The following BCAT1 variants were observed in gnomAD, a reference collection of about 807,000 sequenced individuals.
The protein encoded by BCAT1 is branched chain amino acid transaminase 1, also known as branched-chain-amino-acid aminotransferase, cytosolic.
Under a neutral mutation model 52.4 loss-of-function variants are expected in BCAT1, and 48 were observed. The observed-to-expected ratio is 0.92, with a 90% CI of 0.73 to 1.16. The LOEUF is 1.16. Among genes scored for constraint, BCAT1 ranks in the 50% most tolerant of loss-of-function variants. The probability of loss-of-function intolerance (pLI) is 0.00; values close to 1 mark genes in which losing one functional copy is unlikely to be tolerated. For missense variants in BCAT1, 451 were observed against 457.1 expected (o/e 0.99, Z 0.12); for synonymous variants, 167 against 161.3 (o/e 1.04, Z -0.27).
In BCAT1 at chr12:24,918,889, T is replaced by C. The variant is rs1468839237; in HGVS notation, c.7-17004A>G. 4.6e-5 allele frequency among the ~76,000 whole-genome samples: 7 copies of C among 152,226 alleles called. No homozygotes were observed. In the East Asian group the frequency reaches 1.3e-3, roughly 29 times the overall value. On this transcript the variant is annotated intron_variant, in intron 1 of 10. Transcript: ENST00000261192. ...AACATTGCATGTAATAGACTAGTTA[T>C]GACACTTGATTATTACCCTGCTTGT... is the stretch of plus-strand genomic sequence containing the variant.
At chr12:24,931,255 A>C (rs1361048753) in intron 1 of BCAT1, among the ~76,000 whole-genome samples, 1 of 152,022 alleles carries the variant, frequency 6.6e-6, no homozygotes, top group East Asian at 1.9e-4. Context: ...TGAAGAGTAA[A>C]ATTTTAAAAT....
At chr12:24,835,555 AT>A (rs141095320) in intron 8 of BCAT1, among the ~76,000 whole-genome samples, 1 of 65,552 alleles carries the variant, frequency 1.5e-5, no homozygotes, top group Non-Finnish European at 3.4e-5. Flanking sequence ...ATTTTATTTT[AT>A]TTATTTATTT....
chr12:24,912,236 T>C (rs1427968420), intron 1 of BCAT1, among the ~76,000 whole-genome samples: 1 of 152,060 alleles, frequency 6.6e-6, no homozygotes, highest in Non-Finnish European at 1.5e-5. Flanking sequence ...AGAAGAGGGC[T>C]GGGCGCAGTG....
At chr12:24,911,758 C>A (rs538251067) in intron 1 of BCAT1, among the ~76,000 whole-genome samples, 1 of 152,066 alleles carries the variant, frequency 6.6e-6, no homozygotes, top group African/African-American at 2.4e-5. Flanking sequence ...AGGGAGGAAA[C>A]CCTAAGCGTG....
intron 1 of BCAT1, among the ~76,000 whole-genome samples, chr12:24,921,263 A>G (rs1252147066): frequency 6.6e-6 from 1 of 152,214 alleles, no homozygotes; most frequent in African/African-American, 2.4e-5. Context: ...GATTCCAAGG[A>G]TTTTTAGTAC....
chr12:24,822,890 G>A (rs560253329), intron 10 of BCAT1, among the ~76,000 whole-genome samples: 4 of 152,162 alleles, frequency 2.6e-5, no homozygotes, highest in African/African-American at 9.6e-5. Flanking sequence ...TTTCTTATTG[G>A]CCATAAGCAC....
intron 1 of BCAT1, among the ~76,000 whole-genome samples, chr12:24,922,677 C>T (rs1354813901): frequency 6.6e-6 from 1 of 151,976 alleles, no homozygotes; most frequent in Non-Finnish European, 1.5e-5. Context: ...TCAAGACCAT[C>T]CTGGCCAACA....
At chr12:24,934,268 G>A (rs1943721639) in intron 1 of BCAT1, among the ~76,000 whole-genome samples, 2 of 152,220 alleles carry the variant, frequency 1.3e-5, no homozygotes, top group African/African-American at 4.8e-5. Context: ...CACCATGTAA[G>A]ATGTGCCTTG....
Position 24,810,518 on chromosome 12 carries a change from A to G in BCAT1, c.*7490T>C, listed in dbSNP as rs1392076746. 6.6e-6 allele frequency: 1 copy of G among 152,190 alleles called. No homozygotes were observed. Among genetic ancestry groups the G allele is most frequent in the Non-Finnish European group, 1.5e-5 (1 of 68,026 alleles). 9.4% of individuals were successfully genotyped at this position (152,190 alleles called of 1,614,324 possible). A position where few individuals can be genotyped will look rare whatever the true frequency, so the allele number is the denominator to read the frequency against. ...TGATAAATTATATAAGCTCCAGTAAATGTATGTCATCACCCTCAGGAATGA... is the reference window on the plus strand; with the variant it reads ...TGATAAATTATATAAGCTCCAGTAAGTGTATGTCATCACCCTCAGGAATGA... On this transcript the variant is annotated 3_prime_UTR_variant, in exon 11 of 11. Coordinates refer to ENST00000261192, the MANE Select transcript of BCAT1 (RefSeq NM_005504.7).
In BCAT1 at chr12:24,935,107, G is replaced by A. The variant is rs533493609; in HGVS notation, c.6+13820C>T. Among the ~76,000 whole-genome samples, 5 of 152,306 alleles carry A rather than the reference G, an allele frequency of 3.3e-5. No individual in the cohort carries two copies. In the East Asian group the frequency reaches 9.6e-4, roughly 29 times the overall value. On this transcript the variant is annotated intron_variant, in intron 1 of 10. Coordinates refer to ENST00000261192, the MANE Select transcript of BCAT1 (RefSeq NM_005504.7). The stretch of plus-strand genomic sequence containing the variant: ...CTGTGCCCAAGGTGAAATGGATGTG[G>A]TAGTGATTCTTCCACAGACCAAGTG...
intron 3 of BCAT1, among the ~76,000 whole-genome samples, chr12:24,888,871 C>T (rs1942759514): frequency 6.6e-6 from 1 of 152,174 alleles, no homozygotes; most frequent in Admixed American, 6.6e-5. Context: ...TCCACAGCTG[C>T]GTCAATCATG....
At chr12:24,836,446 C>T in intron 8 of BCAT1, 65 bp downstream of exon 8, 1 of 1,358,544 alleles carries the variant, frequency 7.4e-7, no homozygotes, top group Non-Finnish European at 1.0e-6. Context: ...CAACACTAGG[C>T]TGGGCTTATT....
At chr12:24,881,542 T>C (rs929103130) in intron 3 of BCAT1, 131 bp from the exon 4 acceptor site, 1 of 608,318 alleles carries the variant, frequency 1.6e-6, no homozygotes, top group South Asian at 2.1e-5. Flanking sequence ...CAACTTGAGA[T>C]CATTAAATCC....
At chr12:24,850,816 T>C (rs1941485202) in intron 5 of BCAT1, among the ~76,000 whole-genome samples, 1 of 152,214 alleles carries the variant, frequency 6.6e-6, no homozygotes. Context: ...CAGGGACTAC[T>C]CTGGATGGGA....
intron 1 of BCAT1, among the ~76,000 whole-genome samples, chr12:24,948,190 C>T (rs1417828834): frequency 3.3e-5 from 5 of 152,220 alleles, no homozygotes; most frequent in Non-Finnish European, 5.9e-5. Flanking sequence ...AAAAGTTGCT[C>T]TTCGGGTTTT....
At chr12:24,845,008 T>C (rs2139445506) in intron 6 of BCAT1, among the ~76,000 whole-genome samples, 1 of 149,482 alleles carries the variant, frequency 6.7e-6, no homozygotes, top group South Asian at 2.1e-4. Flanking sequence ...AGGTCAGGAG[T>C]TCCAGACCAG....
Position 24,842,124 on chromosome 12 carries a change from C to T in BCAT1, c.775G>A (p.Gly259Arg), listed in dbSNP as rs1941194195. Reference protein sequence around the residue: ...YGEDHQITEVGTMNLFLYWIN... With the variant: ...YGEDHQITEVRTMNLFLYWIN... ...CAGTAAAGAAAAAGATTCATAGTTCCCACTTCAGTGATCTGATGGTCCTCT... is the reference window on the plus strand; with the variant it reads ...CAGTAAAGAAAAAGATTCATAGTTCTCACTTCAGTGATCTGATGGTCCTCT... The change falls in exon 7 of 11, where the codon GGA (glycine) becomes AGA (arginine). Residue 259 changes from glycine (G) to arginine (R), a missense_variant. Coordinates refer to ENST00000261192, the MANE Select transcript of BCAT1 (RefSeq NM_005504.7). 6.2e-7 allele frequency: 1 copy of T among 1,613,696 alleles called. No individual in the cohort carries two copies. Among genetic ancestry groups the T allele is most frequent in the African/African-American group, 1.3e-5 (1 of 74,898 alleles).
chr12:24,859,695 A>C (rs1941797579), intron 5 of BCAT1, among the ~76,000 whole-genome samples: 1 of 151,840 alleles, frequency 6.6e-6, no homozygotes, highest in Non-Finnish European at 1.5e-5. Flanking sequence ...AAATGACTTT[A>C]CAGTGACCTG....
chr12:24,921,919 T>C (rs546524187), intron 1 of BCAT1, among the ~76,000 whole-genome samples: 2 of 152,144 alleles, frequency 1.3e-5, no homozygotes, highest in Non-Finnish European at 1.5e-5. Context: ...AAAATAGTAA[T>C]GAAAAAGTAA....
Sources: gnomAD v4.1 joint callset for allele counts (sites outside exome capture counted in the v4.1 genomes callset) on GRCh38, gnomAD v4.1.1 for gene constraint, MANE v1.5 for transcripts, NCBI Gene and HGNC (gene_info 2026-07-23, HGNC 2026-07-21) for gene names.